RGPD3: variants seen among roughly 807,000 people sequenced by gnomAD.
RGPD3 encodes RANBP2 like and GRIP domain containing 3.
A neutral mutation model predicts 154.5 loss-of-function variants in RGPD3; 62 were observed. The ratio of observed to expected loss-of-function variants is 0.40; its 90% CI spans 0.33 to 0.50. The LOEUF is 0.50. RGPD3 is among the 20% of genes least tolerant of loss of function. RGPD3 has a pLI of 0.59. For synonymous variants in RGPD3, 308 were observed against 607.0 expected, an observed-to-expected ratio of 0.51 and a Z score of 7.24; for missense variants, 919 against 1,716.8, an observed-to-expected ratio of 0.54 and a Z score of 8.21.
intron 15 of RGPD3, 25 bp downstream of exon 15, chr2:106,434,203 G>A (rs773413325): frequency 3.3e-5 from 53 of 1,585,210 alleles, no homozygotes; most frequent in African/African-American, 8.2e-5. Flanking sequence ...CAGTAAGAAC[G>A]TACATACAAC....
chr2:106,468,435 A>G (rs902713127), upstream of RGPD3: 11 of 1,478,458 alleles, frequency 7.4e-6, no homozygotes, highest in African/African-American at 1.4e-4. Context: ...GTCCTGCGTC[A>G]ACAGTGTGTG....
chr2:106,436,197 T>A lies in RGPD3; in HGVS notation c.1684A>T (p.Thr562Ser). Residue 562 changes from threonine to serine, a missense_variant, in exon 12 of 23, where the codon ACT (threonine) becomes TCT (serine). By Grantham distance (58) the Thr-to-Ser change is moderately conservative (BLOSUM62 1). Transcript: ENST00000409886. ...CCATGTTTTTCCTGGGCTCTTAGAG[T>A]GTTTATTTCATGCTGAACTAGAAGT... is the stretch of plus-strand genomic sequence containing the variant. ...LRLLVQHEIN[T>S]LRAQEKHGLQ... 3 of 1,611,736 alleles carry A rather than the reference T, an allele frequency of 1.9e-6. No homozygotes were observed. Among genetic ancestry groups the A allele is most frequent in the Non-Finnish European group, 2.5e-6 (3 of 1,179,830 alleles).
At chr2:106,421,771 C>T (rs1274538837) in intron 20 of RGPD3, among the ~76,000 whole-genome samples, 1 of 151,498 alleles carries the variant, frequency 6.6e-6, no homozygotes, top group Non-Finnish European at 1.5e-5. Flanking sequence ...CATGTGAATA[C>T]TGGCAGACGT....
chr2:106,431,470 A>C (rs1429917518), intron 17 of RGPD3, among the ~76,000 whole-genome samples: 2 of 152,234 alleles, frequency 1.3e-5, no homozygotes, highest in African/African-American at 4.8e-5. Context: ...CAAGATCATT[A>C]ATTAATGGCA....
At chr2:106,441,863 CAAAAAAAAAAAAAAAA>C (rs1166971652) in intron 7 of RGPD3, among the ~76,000 whole-genome samples, 1 of 13,626 alleles carries the variant, frequency 7.3e-5, no homozygotes, top group African/African-American at 3.0e-4. Context: ...GACTCCATCG[CAAAAAAAAAAAAAAAA>C]AAAAAAAAAA....
rs796517476 is a variant in RGPD3 at position 106,410,234 on chromosome 2, T to C, written c.5266+2850A>G. ...ATCTAAATCTGCTGCTAAACCATCA[T>C]GGTTTTTAATTATAATAAGGTCTCT... On this transcript the variant is annotated intron_variant, in intron 22 of 22. Transcript: ENST00000409886. 5.6e-4 allele frequency among the ~76,000 whole-genome samples: 86 copies of C among 152,272 alleles called. 1 individual carries two copies. The highest frequency in any genetic ancestry group is 3.4e-3 in the Middle Eastern group (1 of 294).
At chr2:106,468,480 G>A, upstream of RGPD3, 3 of 1,157,614 alleles carry the variant, frequency 2.6e-6, no homozygotes, top group East Asian at 2.8e-5. Context: ...AGCTGCACTC[G>A]GCTGGGCTCT....
In RGPD3 at chr2:106,432,958, G is replaced by C. The variant is rs199953271; in HGVS notation, c.2446C>G (p.Arg816Gly). 1 of 1,601,104 alleles carries C rather than the reference G, an allele frequency of 6.2e-7. No homozygotes were observed. Among genetic ancestry groups the C allele is most frequent in the East Asian group, 2.2e-5 (1 of 44,566 alleles). ...ACCTTAATGGCCTTTACTTCTTGGCGAATCATTTTCAGTAAAGAATTCTGA... is the reference window on the plus strand; with the variant it reads ...ACCTTAATGGCCTTTACTTCTTGGCCAATCATTTTCAGTAAAGAATTCTGA... Reference protein sequence around the residue: ...EDQNSLLKMIRQEVKAIKEEM... With the variant: ...EDQNSLLKMIGQEVKAIKEEM... The change falls in exon 17 of 23, where the codon CGC becomes GGC. Residue 816 changes from arginine (R) to glycine (G), a missense_variant. Transcript: ENST00000409886.
intron 1 of RGPD3, among the ~76,000 whole-genome samples, chr2:106,467,356 G>GGCCGCC (rs1678651385): frequency 7.4e-6 from 1 of 134,358 alleles, no homozygotes; most frequent in Non-Finnish European, 1.6e-5. Context: ...GCCAGGTCGA[G>GGCCGCC]GCCGCCGCCT....
At chr2:106,450,176 G>A (rs1273708841) in intron 6 of RGPD3, among the ~76,000 whole-genome samples, 20 of 128,458 alleles carry the variant, frequency 1.6e-4, no homozygotes, top group African/African-American at 5.7e-4. Flanking sequence ...TCAGGAGATC[G>A]AGACCATCCT....
chr2:106,437,361 A>T (rs1225395319), intron 9 of RGPD3, among the ~76,000 whole-genome samples: 4 of 135,490 alleles, frequency 3.0e-5, no homozygotes, highest in Admixed American at 2.3e-4. Context: ...AAATACAAAA[A>T]ATTAGCCGAG....
At chr2:106,418,339 AT>A (rs1676875801) in intron 20 of RGPD3, among the ~76,000 whole-genome samples, 1 of 150,132 alleles carries the variant, frequency 6.7e-6, no homozygotes, top group African/African-American at 2.4e-5. Flanking sequence ...GATTCTAGCA[AT>A]TTTTCAGGAT....
chr2:106,420,256 A>G (rs1411205919), intron 20 of RGPD3, among the ~76,000 whole-genome samples: 1 of 145,748 alleles, frequency 6.9e-6, no homozygotes, highest in Non-Finnish European at 1.5e-5. Flanking sequence ...CTGTTACTCT[A>G]TGGGTAGCTA....
rs375949642 is a variant in RGPD3, at chr2:106,436,303, C to A, written c.1635-57G>T. On this transcript the variant is annotated intron_variant, in intron 11 of 22. Transcript: ENST00000409886. Reference sequence around the variant, plus strand: ...TTCTAAATACACAGTTCAGCGCTTACATACATATATGTTAATGGGTCACAT... The same window carrying A: ...TTCTAAATACACAGTTCAGCGCTTAAATACATATATGTTAATGGGTCACAT... The A allele has an allele frequency of 2.5e-5, 41 of 1,610,910 alleles. 1 individual carries two copies. The highest frequency in any genetic ancestry group is 1.3e-4 in the East Asian group (6 of 44,856).
intron 22 of RGPD3, among the ~76,000 whole-genome samples, chr2:106,410,677 G>A (rs1486244194): frequency 6.6e-6 from 1 of 152,104 alleles, no homozygotes; most frequent in Non-Finnish European, 1.5e-5. Flanking sequence ...ATAATTTTGA[G>A]ATTTCTGTCT....
chr2:106,448,712 G>C (rs1678010057), intron 6 of RGPD3, among the ~76,000 whole-genome samples: 1 of 151,448 alleles, frequency 6.6e-6, no homozygotes, highest in African/African-American at 2.4e-5. Flanking sequence ...TGTTTTTGGA[G>C]ACAGAATCTC....
At chr2:106,469,764 AC>A (rs1346867662), upstream of RGPD3, among the ~76,000 whole-genome samples, 1 of 152,098 alleles carries the variant, frequency 6.6e-6, no homozygotes, top group Non-Finnish European at 1.5e-5. Flanking sequence ...TCCTTTCCAC[AC>A]ATATACTGCC....
chr2:106,414,936 T>A (rs955184615), intron 21 of RGPD3, among the ~76,000 whole-genome samples: 3 of 152,182 alleles, frequency 2.0e-5, no homozygotes, highest in Non-Finnish European at 4.4e-5. Flanking sequence ...TTCCACCATT[T>A]ACCAGCTTCA....
chr2:106,468,195 G>C (rs372006418), intron 1 of RGPD3, 22 bp downstream of exon 1: 4 of 1,595,124 alleles, frequency 2.5e-6, no homozygotes, highest in Non-Finnish European at 3.4e-6. Context: ...CGAGGCCGTC[G>C]GTCTCTTCCA....
Sources: allele counts gnomAD v4.1 joint callset (sites outside exome capture counted in the v4.1 genomes callset), GRCh38; gene constraint gnomAD v4.1.1; transcripts MANE v1.5; gene names NCBI Gene and HGNC (gene_info 2026-07-23, HGNC 2026-07-21).